Variants in TACC1 observed in about 807,000 individuals in gnomAD.
TACC1 encodes transforming acidic coiled-coil containing protein 1, also known as transforming acidic coiled-coil-containing protein 1.
In TACC1, 48 loss-of-function variants were observed where a neutral mutation model predicts 84.4. The observed-to-expected ratio is 0.57, with a 90% CI of 0.45 to 0.72. The LOEUF (loss-of-function observed/expected upper bound fraction) is 0.72. Ranked by LOEUF, TACC1 falls within the 30% of genes least tolerant of loss-of-function variation. The probability of loss-of-function intolerance (pLI) is 0.00; values close to 1 mark genes in which losing one functional copy is unlikely to be tolerated. For missense variants in TACC1, 920 were observed against 973.0 expected (o/e 0.95, Z 0.72); for synonymous variants, 372 against 376.3 (o/e 0.99, Z 0.13).
At chr8:38,769,998 G>A (rs1293629411) in intron 3 of TACC1, among the ~76,000 whole-genome samples, 1 of 151,208 alleles carries the variant, frequency 6.6e-6, no homozygotes, top group African/African-American at 2.4e-5. Context: ...TGATGTGGGT[G>A]TGAGACTGCT....
chr8:38,831,202 G>A lies in TACC1; in HGVS notation c.1713+25G>A, dbSNP rs200656458. 993 of 1,613,262 alleles carry A rather than the reference G, an allele frequency of 6.2e-4. 2 individuals carry two copies. The highest frequency in any genetic ancestry group is 7.9e-4 in the Non-Finnish European group (931 of 1,179,368). On this transcript the variant is annotated intron_variant, in intron 6 of 12. Coordinates refer to ENST00000317827, the MANE Select transcript of TACC1 (RefSeq NM_006283.3). ...TGTAAGTTCCTGAATGTGGAGGGCC[G>A]GGTGGACTCAGGTTTCTTTCAGTAT...
intron 6 of TACC1, among the ~76,000 whole-genome samples, chr8:38,835,264 A>C (rs896767881): frequency 6.6e-6 from 1 of 152,154 alleles, no homozygotes; most frequent in African/African-American, 2.4e-5. Context: ...AAAAAAAAAA[A>C]AAAAAGTTTA....
intron 11 of TACC1, among the ~76,000 whole-genome samples, chr8:38,845,176 C>T (rs1001266537): frequency 4.6e-5 from 7 of 152,174 alleles, no homozygotes; most frequent in Non-Finnish European, 8.8e-5. Context: ...CCGCCCGCCT[C>T]GGTCTCCCAA....
chr8:38,776,378 G>A (rs763782116), intron 3 of TACC1, among the ~76,000 whole-genome samples: 4 of 152,098 alleles, frequency 2.6e-5, no homozygotes, highest in Non-Finnish European at 4.4e-5. Flanking sequence ...CTTTTGGTTC[G>A]GGAATTTTCT....
intron 2 of TACC1, among the ~76,000 whole-genome samples, chr8:38,798,830 G>A (rs1199657904): frequency 3.9e-5 from 6 of 152,026 alleles, no homozygotes; most frequent in Non-Finnish European, 5.9e-5. Flanking sequence ...ATTGTATCCC[G>A]CATTCCTGGA....
At chr8:38,735,445 TG>T (rs1805781578) in intron 1 of TACC1, among the ~76,000 whole-genome samples, 1 of 152,174 alleles carries the variant, frequency 6.6e-6, no homozygotes, top group African/African-American at 2.4e-5. Context: ...CCCTTACATC[TG>T]GCTTCCGGGT....
chr8:38,737,782 C>T (rs1806255092), intron 1 of TACC1, among the ~76,000 whole-genome samples: 1 of 150,572 alleles, frequency 6.6e-6, no homozygotes, highest in African/African-American at 2.4e-5. Context: ...GGCTGGAGTG[C>T]AATGGTGCGA....
chr8:38,744,649 G>C (rs1040613477), intron 2 of TACC1, among the ~76,000 whole-genome samples: 27 of 152,248 alleles, frequency 1.8e-4, no homozygotes, highest in African/African-American at 6.3e-4. Flanking sequence ...CCAACCACAT[G>C]ATGATGCCCC....
chr8:38,831,044 C>T, intron 5 of TACC1, 81 bp from the exon 6 acceptor site: 1 of 1,278,778 alleles, frequency 7.8e-7, no homozygotes, highest in South Asian at 1.2e-5. Flanking sequence ...CTCGCCTGCA[C>T]TGGGGTTTCC....
At chr8:38,802,198 C>G (rs1821546666) in intron 2 of TACC1, 1 of 152,320 alleles carries the variant, frequency 6.6e-6, no homozygotes, top group Admixed American at 6.5e-5. Flanking sequence ...GTGTGAGCCA[C>G]TGCTCCTGGC....
At position 38,791,362 on chromosome 8, in the gene TACC1, C is replaced by T. The variant is rs561343710; in HGVS notation, c.277+2543C>T. Among the ~76,000 whole-genome samples, 4 of 152,216 alleles carry T rather than the reference C, an allele frequency of 2.6e-5. No homozygotes were observed. The East Asian group carries it at 7.7e-4, about 29-fold the overall frequency. On this transcript the variant is annotated intron_variant, in intron 2 of 12. Transcript: ENST00000317827. ...TTGTAGGGGTAGAGGAGTGTCCAGT[C>T]CAGGAAACAACCCTGCATATTATGA...
intron 3 of TACC1, among the ~76,000 whole-genome samples, chr8:38,821,498 C>T (rs1361183154): frequency 6.6e-6 from 1 of 152,150 alleles, no homozygotes. Flanking sequence ...ATTCTTGTCT[C>T]CATGTGTAAT....
intron 6 of TACC1, among the ~76,000 whole-genome samples, chr8:38,833,426 A>G (rs1482155533): frequency 6.6e-6 from 1 of 152,238 alleles, no homozygotes; most frequent in African/African-American, 2.4e-5. Flanking sequence ...TGGCTAAAGT[A>G]GGCAAGGGCA....
At chr8:38,772,183 C>G (rs958968129) in intron 3 of TACC1, among the ~76,000 whole-genome samples, 2 of 152,180 alleles carry the variant, frequency 1.3e-5, no homozygotes, top group Non-Finnish European at 2.9e-5. Flanking sequence ...ACCCATTTGA[C>G]AGTTTTAAAA....
intron 3 of TACC1, among the ~76,000 whole-genome samples, chr8:38,776,741 C>T (rs1814871634): frequency 6.6e-6 from 1 of 152,178 alleles, no homozygotes; most frequent in African/African-American, 2.4e-5. Context: ...TAGGGATGCT[C>T]AACCTGTGTA....
At chr8:38,767,908 T>C (rs192205475) in intron 3 of TACC1, among the ~76,000 whole-genome samples, 171 of 152,170 alleles carry the variant, frequency 1.1e-3, no homozygotes, top group African/African-American at 3.9e-3. Flanking sequence ...GTACAAATAA[T>C]TTTTTTAAAA....
intron 8 of TACC1, 120 bp from the exon 9 acceptor site, chr8:38,840,103 TA>T: frequency 2.1e-6 from 1 of 474,736 alleles, no homozygotes; most frequent in Non-Finnish European, 3.7e-6. Flanking sequence ...CCAAAGCAGA[TA>T]AATGGATTAC....
chr8:38,775,775 C>G (rs748565858), intron 3 of TACC1, among the ~76,000 whole-genome samples: 1 of 152,200 alleles, frequency 6.6e-6, no homozygotes, highest in Non-Finnish European at 1.5e-5. Context: ...ATATATTCTG[C>G]TCAGTGTCTA....
Position 38,850,506 on chromosome 8 carries a change from A to G in TACC1, c.*2483A>G, listed in dbSNP as rs527829374. The G allele has an allele frequency of 1.3e-5, 2 of 152,284 alleles. No homozygotes were observed. Among genetic ancestry groups the G allele is most frequent in the Admixed American group, 6.5e-5 (1 of 15,294 alleles). 9.4% of individuals were successfully genotyped at this position (152,284 alleles called of 1,614,324 possible). ...TAATAAACTCTGTTACAGAAGAGAA[A>G]AAGGGCCGGGCACAGTGGCTTATTC... On this transcript the variant is annotated 3_prime_UTR_variant, in exon 13 of 13. Transcript: ENST00000317827.
Sources: allele counts gnomAD v4.1 joint callset (sites outside exome capture counted in the v4.1 genomes callset), GRCh38; gene constraint gnomAD v4.1.1; transcripts MANE v1.5; gene names NCBI Gene and HGNC (gene_info 2026-07-23, HGNC 2026-07-21).